SLC24A2: variants seen among roughly 807,000 people sequenced by gnomAD.
SLC24A2 encodes sodium/potassium/calcium exchanger 2.
In SLC24A2, 36 loss-of-function variants were observed where a neutral mutation model predicts 62.0. The ratio of observed to expected loss-of-function variants is 0.58; its 90% CI spans 0.44 to 0.77. SLC24A2 has a LOEUF of 0.77. Ranked by LOEUF, SLC24A2 falls within the 30% of genes least tolerant of loss-of-function variation. The probability of loss-of-function intolerance (pLI) is 0.00; values close to 1 mark genes in which losing one functional copy is unlikely to be tolerated. For synonymous variants in SLC24A2, 358 were observed against 294.0 expected (o/e 1.22, Z -2.23); for missense variants, 846 against 817.9 (o/e 1.03, Z -0.42).
chr9:19,591,076 A>C (rs1212095177), intron 5 of SLC24A2, among the ~76,000 whole-genome samples: 3 of 152,050 alleles, frequency 2.0e-5, no homozygotes, highest in Non-Finnish European at 4.4e-5. Context: ...TGGAGTCCCC[A>C]GGGCTCAATT....
At chr9:19,673,801 G>C (rs1049698588) in intron 2 of SLC24A2, among the ~76,000 whole-genome samples, 3 of 152,120 alleles carry the variant, frequency 2.0e-5, no homozygotes, top group Non-Finnish European at 4.4e-5. Context: ...ATACTTGGTT[G>C]GGGAATTCTT....
chr9:20,297,495 C>T, the SLC24A2 span, among the ~76,000 whole-genome samples: 3 of 152,250 alleles, frequency 2.0e-5, no homozygotes, highest in Admixed American at 6.5e-5. Context: ...GGGTTTGGCA[C>T]GTGGACTGTA....
At chr9:19,634,531 G>A (rs1202615237) in intron 2 of SLC24A2, among the ~76,000 whole-genome samples, 1 of 151,990 alleles carries the variant, frequency 6.6e-6, no homozygotes, top group African/African-American at 2.4e-5. Context: ...CAGGTGATCC[G>A]CCCACCTCGG....
At chr9:19,724,570 A>G (rs369512838) in intron 2 of SLC24A2, among the ~76,000 whole-genome samples, 2 of 152,282 alleles carry the variant, frequency 1.3e-5, no homozygotes, top group East Asian at 3.9e-4. Context: ...TTATTAATAC[A>G]AGGTCTGATA....
At chr9:19,998,048 T>G in the SLC24A2 span, among the ~76,000 whole-genome samples, 1 of 152,192 alleles carries the variant, frequency 6.6e-6, no homozygotes, top group Non-Finnish European at 1.5e-5. Flanking sequence ...AAAATTATAT[T>G]AATAATAATG....
At chr9:19,772,204 T>C (rs964033710) in intron 2 of SLC24A2, among the ~76,000 whole-genome samples, 2 of 152,188 alleles carry the variant, frequency 1.3e-5, no homozygotes, top group Admixed American at 6.5e-5. Context: ...TCCCAGGTTC[T>C]CTATAATCAG....
At chr9:20,155,547 G>T in the SLC24A2 span, among the ~76,000 whole-genome samples, 3 of 151,742 alleles carry the variant, frequency 2.0e-5, no homozygotes, top group Non-Finnish European at 4.4e-5. Flanking sequence ...AGAATATGTG[G>T]TTTTTGTGAA....
rs1447995344 is a variant in SLC24A2, at chr9:19,577,033, A to G, written c.1130-11T>C. ...TTTCTCTGAACCTCCCTGAAGCAAA[A>G]GAAAGTGGCAGGAAGGAGACACAAT... On this transcript the variant is annotated splice_polypyrimidine_tract_variant and intron_variant, in intron 5 of 10. Coordinates refer to ENST00000341998, the MANE Select transcript of SLC24A2 (RefSeq NM_020344.4). 6.2e-7 allele frequency: 1 copy of G among 1,607,520 alleles called. No individual in the cohort carries two copies. The highest frequency in any genetic ancestry group is 1.7e-5 in the Admixed American group (1 of 60,012).
the SLC24A2 span, among the ~76,000 whole-genome samples, chr9:20,176,883 C>G: frequency 1.3e-5 from 2 of 149,618 alleles, no homozygotes; most frequent in Admixed American, 1.3e-4. Flanking sequence ...AAATATGCAC[C>G]AAACTTCTAA....
the SLC24A2 span, among the ~76,000 whole-genome samples, chr9:20,182,727 A>G: frequency 6.6e-6 from 1 of 152,222 alleles, no homozygotes; most frequent in Non-Finnish European, 1.5e-5. Context: ...GCACATGTAT[A>G]CCTACGTAAC....
At chr9:20,246,273 A>T in the SLC24A2 span, among the ~76,000 whole-genome samples, 1 of 152,244 alleles carries the variant, frequency 6.6e-6, no homozygotes, top group Non-Finnish European at 1.5e-5. Context: ...TGGAGCACTC[A>T]CATGTGAAAC....
the SLC24A2 span, among the ~76,000 whole-genome samples, chr9:20,117,410 G>A: frequency 6.6e-6 from 1 of 151,992 alleles, no homozygotes; most frequent in Non-Finnish European, 1.5e-5. Context: ...ATGGTCTTTT[G>A]TAACAGCAGC....
At chr9:19,789,267 G>C (rs1212218200), upstream of SLC24A2, among the ~76,000 whole-genome samples, 1 of 152,268 alleles carries the variant, frequency 6.6e-6, no homozygotes, top group Non-Finnish European at 1.5e-5. Flanking sequence ...GCAGAGAGGA[G>C]AAATCGTACA....
At chr9:19,831,685 GA>G in the SLC24A2 span, among the ~76,000 whole-genome samples, 1 of 152,048 alleles carries the variant, frequency 6.6e-6, no homozygotes, top group South Asian at 2.1e-4. Flanking sequence ...GTGATTCAGA[GA>G]CAAAGAATAC....
chr9:19,675,871 C>G (rs952859185), intron 2 of SLC24A2, among the ~76,000 whole-genome samples: 3 of 152,172 alleles, frequency 2.0e-5, no homozygotes, highest in Non-Finnish European at 4.4e-5. Flanking sequence ...TGACTTCTGT[C>G]CAGGAAACTT....
chr9:20,079,912 C>T, the SLC24A2 span, among the ~76,000 whole-genome samples: 1 of 152,134 alleles, frequency 6.6e-6, no homozygotes, highest in Non-Finnish European at 1.5e-5. Context: ...AGGAACACAA[C>T]TTACAAGGGA....
chr9:20,268,325 A>G, the SLC24A2 span, among the ~76,000 whole-genome samples: 3 of 152,200 alleles, frequency 2.0e-5, no homozygotes, highest in Admixed American at 2.0e-4. Context: ...GTCTCCTCCG[A>G]AAGTCATGTT....
At chr9:19,866,969 G>GAATA in the SLC24A2 span, among the ~76,000 whole-genome samples, 2 of 151,992 alleles carry the variant, frequency 1.3e-5, no homozygotes, top group Non-Finnish European at 2.9e-5. Context: ...TTAAAAAAAT[G>GAATA]AATAAATGAA....
intron 2 of SLC24A2, among the ~76,000 whole-genome samples, chr9:19,780,867 C>T (rs561452098): frequency 0.01 from 1,215 of 118,914 alleles, 15 homozygotes; most frequent in Non-Finnish European, 0.015. Context: ...AGCGAGACTC[C>T]GTCTCAAAAA....
Sources: allele counts gnomAD v4.1 joint callset (sites outside exome capture counted in the v4.1 genomes callset), GRCh38; gene constraint gnomAD v4.1.1; transcripts MANE v1.5; gene names NCBI Gene and HGNC (gene_info 2026-07-23, HGNC 2026-07-21).